The following NUDT16L1 variants were observed in gnomAD, a reference collection of about 807,000 sequenced individuals.
NUDT16L1 encodes the protein tudor-interacting repair regulator protein.
A neutral mutation model predicts 17.3 loss-of-function variants in NUDT16L1; 19 were observed. The observed-to-expected ratio is 1.10, with a 90% confidence interval of 0.77 to 1.61. The LOEUF is 1.61. NUDT16L1 is among the 40% of genes most tolerant of loss of function. The pLI is 0.00. For synonymous variants in NUDT16L1, 255 were observed against 138.6 expected (o/e 1.84, Z -5.90); for missense variants, 341 against 292.0 (o/e 1.17, Z -1.22).
chr16:4,694,304 G>A, intron 2 of NUDT16L1, 66 bp downstream of exon 2: 11 of 1,482,058 alleles, frequency 7.4e-6, no homozygotes, highest in Non-Finnish European at 6.2e-6. Flanking sequence ...GGAAGGCACC[G>A]ATGGGTAACA....
Position 4,694,670 on chromosome 16 carries a change from C to T in NUDT16L1, c.415-288C>T, listed in dbSNP as rs1360811861. On this transcript the variant is annotated intron_variant, in intron 2 of 2. Coordinates refer to ENST00000304301, the Ensembl canonical transcript of NUDT16L1. ...AAGGGCTGGACTGCGGGTGTTCAGG[C>T]TTCGTTGGGTGGACGGGGGGAGCAT... is the stretch of plus-strand genomic sequence containing the variant. 15 of 1,389,444 alleles carry T rather than the reference C, an allele frequency of 1.1e-5. No individual in the cohort carries two copies. In the Admixed American group the frequency reaches 1.9e-4, roughly 17 times the overall value. 86.1% of individuals were successfully genotyped at this position (1,389,444 alleles called of 1,614,324 possible). A position where few individuals can be genotyped will look rare whatever the true frequency, so the allele number is the denominator to read the frequency against.
At chr16:4,694,187 G>C in exon 2 of NUDT16L1, 1 of 1,571,756 alleles carries the variant, frequency 6.4e-7, no homozygotes, top group Non-Finnish European at 8.6e-7. Flanking sequence ...CGCTGGAGCA[G>C]CTGCACGCCG....
Position 4,694,942 on chromosome 16 carries a change from C to G in NUDT16L1, c.415-16C>G, listed in dbSNP as rs541731541. ...GTGGCAGGCCTGGCCCCAACCCCTA[C>G]CTCCTGTCTGCGCAGGTGCTGGGCC... On this transcript the variant is annotated splice_polypyrimidine_tract_variant and intron_variant, in intron 2 of 2. Transcript: ENST00000304301. 1 of 1,598,720 alleles carries G rather than the reference C, an allele frequency of 6.3e-7. No homozygotes were observed. The highest frequency in any genetic ancestry group is 1.3e-5 in the African/African-American group (1 of 74,674).
exon 1 of NUDT16L1, chr16:4,693,748 G>C: frequency 6.4e-7 from 1 of 1,550,470 alleles, no homozygotes; most frequent in Non-Finnish European, 8.7e-7. Context: ...GGCGGTTCCG[G>C]AGCTGAAGCA....
Position 4,695,277 on chromosome 16 carries a change from C to A in NUDT16L1, c.*98C>A, listed in dbSNP as rs2079518901. The A allele has an allele frequency of 2.4e-6, 3 of 1,242,862 alleles. No individual in the cohort carries two copies. In the Admixed American group the frequency reaches 6.4e-5, roughly 27 times the overall value. The allele number at this position is 1,242,862 out of a possible 1,614,324, so 77.0% of individuals were successfully genotyped here. A position where few individuals can be genotyped will look rare whatever the true frequency, so the allele number is the denominator to read the frequency against. On this transcript the variant is annotated 3_prime_UTR_variant, in exon 3 of 3. Transcript: ENST00000304301. ...GTGTTTGTGTGTACCCCGCTTCTGA[C>A]TGCCTAGGGCGAGTGGGCATCCTGT...
exon 1 of NUDT16L1, chr16:4,693,698 GC>G (rs1567263484): frequency 6.7e-7 from 1 of 1,483,260 alleles, no homozygotes; most frequent in Admixed American, 2.3e-5. Context: ...CTCTTAAGTG[GC>G]AGCGGCGGGG....
exon 3 of NUDT16L1, chr16:4,695,159 T>C (rs1452367047): frequency 1.9e-6 from 3 of 1,612,344 alleles, no homozygotes; most frequent in East Asian, 2.2e-5. Context: ...CCTGGAGAAG[T>C]TGCTCCCGGC....
chr16:4,694,328 T>C, intron 2 of NUDT16L1, 90 bp downstream of exon 2: 1 of 1,313,734 alleles, frequency 7.6e-7, no homozygotes, highest in Non-Finnish European at 9.9e-7. Flanking sequence ...CTCCTGAGGG[T>C]CCCCTGGCCG....
At chr16:4,694,486 A>T in intron 2 of NUDT16L1, 2 of 1,517,528 alleles carry the variant, frequency 1.3e-6, no homozygotes, top group Non-Finnish European at 1.8e-6. Context: ...GCCATTGCCA[A>T]TCCTGGGAGT....
chr16:4,694,547 C>T (rs777270751), intron 2 of NUDT16L1: 8 of 1,454,574 alleles, frequency 5.5e-6, no homozygotes, highest in African/African-American at 4.3e-5. Context: ...GCGGGGATTG[C>T]TTGGGGAGTT....
Position 4,693,894 on chromosome 16 carries a change from GGGCGCGGGCGAGGGTGCC to G in NUDT16L1, c.153+26_153+43del, listed in dbSNP as rs757577995. ...TCTCGGTGCTGGTGAGGACGGGCGA[GGGCGCGGGCGAGGGTGCC>G]GGCGCGGGCGGGCCCGGGCGGGGGC... is the stretch of plus-strand genomic sequence containing the variant. On this transcript the variant is annotated intron_variant, in intron 1 of 2. Coordinates refer to ENST00000304301, the Ensembl canonical transcript of NUDT16L1. The G allele has an allele frequency of 1.9e-4, 283 of 1,489,364 alleles. 1 individual carries two copies. The highest frequency in any genetic ancestry group is 2.8e-4 in the African/African-American group (19 of 68,406). 92.3% of individuals were successfully genotyped at this position (1,489,364 alleles called of 1,614,324 possible).
At chr16:4,693,795 C>T in exon 1 of NUDT16L1, 1 of 1,572,070 alleles carries the variant, frequency 6.4e-7, no homozygotes, top group South Asian at 1.2e-5. Context: ...TAGGGCCGGG[C>T]TGGAGCCACT....
At chr16:4,694,315 C>T in intron 2 of NUDT16L1, 77 bp downstream of exon 2, 5 of 1,482,588 alleles carry the variant, frequency 3.4e-6, no homozygotes, top group South Asian at 1.3e-5. Flanking sequence ...ATGGGTAACA[C>T]GTCTCCTGAG....
exon 2 of NUDT16L1, chr16:4,694,107 G>A: frequency 6.3e-7 from 1 of 1,590,524 alleles, no homozygotes; most frequent in Non-Finnish European, 8.5e-7. Flanking sequence ...CACCGAGGCC[G>A]ACTACCTGAG....
At chr16:4,694,297 A>G in intron 2 of NUDT16L1, 59 bp downstream of exon 2, 2 of 1,477,158 alleles carry the variant, frequency 1.4e-6, no homozygotes, top group South Asian at 1.3e-5. Flanking sequence ...GCCCCGTGGA[A>G]GGCACCGATG....
At chr16:4,694,498 G>A (rs902791324) in intron 2 of NUDT16L1, 3 of 1,519,248 alleles carry the variant, frequency 2.0e-6, no homozygotes. Context: ...CCTGGGAGTG[G>A]GGGAGTGGGA....
exon 2 of NUDT16L1, chr16:4,694,103 G>A: frequency 6.3e-7 from 1 of 1,591,202 alleles, no homozygotes; most frequent in Non-Finnish European, 8.5e-7. Context: ...GCCTCACCGA[G>A]GCCGACTACC....
chr16:4,694,619 C>T (rs2079494747), intron 2 of NUDT16L1: 5 of 1,424,220 alleles, frequency 3.5e-6, no homozygotes, highest in South Asian at 1.5e-5. Context: ...CGTGAAGGCT[C>T]TTGGGATTTG....
chr16:4,694,019 C>A, exon 2 of NUDT16L1: 2 of 1,584,486 alleles, frequency 1.3e-6, no homozygotes. Context: ...TCCCCGGGGG[C>A]TTCGTGGACC....
Sources: gnomAD v4.1 joint callset for allele counts on GRCh38, gnomAD v4.1.1 for gene constraint, MANE v1.5 for transcripts, NCBI Gene and HGNC (gene_info 2026-07-23, HGNC 2026-07-21) for gene names.